The following BOLL variants were observed in gnomAD, a reference collection of about 807,000 sequenced individuals.
BOLL encodes the protein protein boule-like.
Under a neutral mutation model 44.4 loss-of-function variants are expected in BOLL, and 23 were observed. The ratio of observed to expected loss-of-function variants is 0.52; its 90% confidence interval spans 0.37 to 0.73. BOLL has a LOEUF of 0.73. BOLL is among the 30% of genes least tolerant of loss of function. BOLL has a pLI of 0.00. For missense variants in BOLL, 287 were observed against 338.3 expected (o/e 0.85, Z 1.19); for synonymous variants, 97 against 110.8 (o/e 0.88, Z 0.78).
intron 9 of BOLL, among the ~76,000 whole-genome samples, chr2:197,744,543 T>A (rs1220392671): frequency 6.6e-6 from 1 of 152,182 alleles, no homozygotes; most frequent in Non-Finnish European, 1.5e-5. Flanking sequence ...AGAAAGGTAA[T>A]GAAGTAGACT....
intron 10 of BOLL, among the ~76,000 whole-genome samples, chr2:197,742,045 CA>C (rs1359268912): frequency 6.6e-6 from 1 of 152,098 alleles, no homozygotes; most frequent in South Asian, 2.1e-4. Flanking sequence ...TTTATGCAGC[CA>C]AAAAACACAT....
chr2:197,780,819 T>C (rs1689735638), intron 2 of BOLL, among the ~76,000 whole-genome samples: 1 of 151,938 alleles, frequency 6.6e-6, no homozygotes, highest in South Asian at 2.1e-4. Flanking sequence ...CCCTATAATT[T>C]CTAATATGTA....
chr2:197,774,835 T>C (rs1025067168), intron 5 of BOLL: 3 of 151,932 alleles, frequency 2.0e-5, no homozygotes, highest in Non-Finnish European at 4.4e-5. Flanking sequence ...CTCTTTTTTG[T>C]TGTAGTTGTG....
intron 1 of BOLL, among the ~76,000 whole-genome samples, chr2:197,782,298 A>G (rs990119188): frequency 5.9e-5 from 9 of 152,184 alleles, no homozygotes; most frequent in African/African-American, 2.2e-4. Flanking sequence ...CATCAGACAA[A>G]GTCACCCTGT....
In BOLL at chr2:197,727,437, A is replaced by G. The variant is rs964451425; in HGVS notation, c.*1118T>C. ...TGTAAAGAGGAATATTTCCTGTACT[A>G]CTGTAGAAATTTTAGAGATTAAAAA... On this transcript the variant is annotated 3_prime_UTR_variant, in exon 11 of 11. Transcript: ENST00000392296. The G allele has an allele frequency of 2.6e-5, 4 of 152,318 alleles. No individual in the cohort carries two copies. The allele number at this position is 152,318 out of a possible 1,614,324, so 9.4% of individuals were successfully genotyped here.
chr2:197,727,339 A>G lies in BOLL; in HGVS notation c.*1216T>C, dbSNP rs1686894251. On this transcript the variant is annotated 3_prime_UTR_variant, in exon 11 of 11. Coordinates refer to ENST00000392296, the MANE Select transcript of BOLL (RefSeq NM_033030.6). ...AGGAAAGAGATAGATTTATTAGGGT[A>G]ATACCAACTTTTATGGCTCCCCCTG... 6.6e-6 allele frequency: 1 copy of G among 152,372 alleles called. No homozygotes were observed. The highest frequency in any genetic ancestry group is 6.5e-5 in the Admixed American group (1 of 15,280). The allele number at this position is 152,372 out of a possible 1,614,324, so 9.4% of individuals were successfully genotyped here.
intron 9 of BOLL, among the ~76,000 whole-genome samples, chr2:197,755,714 G>A (rs1398058347): frequency 6.6e-6 from 1 of 152,306 alleles, no homozygotes; most frequent in Admixed American, 6.5e-5. Context: ...TGGACACAGG[G>A]AGGGGCACAA....
chr2:197,728,543 T>C lies in BOLL; in HGVS notation c.*12A>G. 1 of 1,613,864 alleles carries C rather than the reference T, an allele frequency of 6.2e-7. No individual in the cohort carries two copies. Among genetic ancestry groups the C allele is most frequent in the South Asian group, 1.1e-5 (1 of 91,070 alleles). ...GAAATCAGTTGAGCTGGAATAGAGC[T>C]GCCCAATTGTCTTAATAATGAATGC... On this transcript the variant is annotated 3_prime_UTR_variant, in exon 11 of 11. Coordinates refer to ENST00000392296, the MANE Select transcript of BOLL (RefSeq NM_033030.6).
intron 4 of BOLL, among the ~76,000 whole-genome samples, chr2:197,776,141 C>G (rs1427810384): frequency 6.6e-6 from 1 of 151,838 alleles, no homozygotes; most frequent in African/African-American, 2.4e-5. Flanking sequence ...TCTTCTTGTT[C>G]CAGTGCTCAT....
chr2:197,777,345 C>T (rs929361771), intron 3 of BOLL, among the ~76,000 whole-genome samples: 1 of 151,790 alleles, frequency 6.6e-6, no homozygotes, highest in Non-Finnish European at 1.5e-5. Flanking sequence ...ACAGCTTCAG[C>T]TCTCAGCTGT....
intron 5 of BOLL, among the ~76,000 whole-genome samples, chr2:197,772,940 G>C (rs1448819997): frequency 6.6e-6 from 1 of 151,902 alleles, no homozygotes; most frequent in Non-Finnish European, 1.5e-5. Flanking sequence ...ATCTGGGACA[G>C]GGCCTAAGAA....
intron 7 of BOLL, among the ~76,000 whole-genome samples, chr2:197,761,863 A>T (rs540173987): frequency 6.6e-6 from 1 of 152,134 alleles, no homozygotes; most frequent in South Asian, 2.1e-4. Context: ...AAAGAAGGAC[A>T]TTTATATAAT....
chr2:197,743,429 G>C (rs1283467886), intron 9 of BOLL, among the ~76,000 whole-genome samples: 1 of 152,206 alleles, frequency 6.6e-6, no homozygotes, highest in Non-Finnish European at 1.5e-5. Flanking sequence ...CAAGGGAAGA[G>C]ATTATGTAAA....
At chr2:197,777,247 G>A in intron 3 of BOLL, 134 bp from the exon 4 acceptor site, 1 of 448,680 alleles carries the variant, frequency 2.2e-6, no homozygotes, top group African/African-American at 2.1e-5. Flanking sequence ...TGCTGCACTA[G>A]CATGGGAATC....
intron 6 of BOLL, among the ~76,000 whole-genome samples, chr2:197,767,433 C>A (rs1689047646): frequency 6.6e-6 from 1 of 151,820 alleles, no homozygotes; most frequent in Admixed American, 6.6e-5. Context: ...CACTGATTAA[C>A]ATTAGAAAAT....
chr2:197,782,353 T>C (rs770079024), intron 1 of BOLL, among the ~76,000 whole-genome samples: 2 of 152,174 alleles, frequency 1.3e-5, no homozygotes, highest in African/African-American at 2.4e-5. Flanking sequence ...TCCATAATCA[T>C]GTTTGAATGC....
intron 10 of BOLL, among the ~76,000 whole-genome samples, chr2:197,740,770 G>A (rs1164165852): frequency 2.0e-5 from 3 of 152,126 alleles, no homozygotes; most frequent in African/African-American, 7.2e-5. Flanking sequence ...CTTAATGGGT[G>A]CACAGAGTTT....
chr2:197,751,000 A>G (rs1426080330), intron 9 of BOLL, among the ~76,000 whole-genome samples: 3 of 152,208 alleles, frequency 2.0e-5, no homozygotes, highest in Admixed American at 6.5e-5. Context: ...AACTCACTCA[A>G]AACCACACAA....
chr2:197,740,809 A>G (rs1444699203), intron 10 of BOLL, among the ~76,000 whole-genome samples: 1 of 152,146 alleles, frequency 6.6e-6, no homozygotes, highest in Non-Finnish European at 1.5e-5. Context: ...AGGTTTGAAA[A>G]CAATGGTGAT....
Sources: gnomAD v4.1 joint callset for allele counts (sites outside exome capture counted in the v4.1 genomes callset) on GRCh38, gnomAD v4.1.1 for gene constraint, MANE v1.5 for transcripts, NCBI Gene and HGNC (gene_info 2026-07-23, HGNC 2026-07-21) for gene names.